The following PKD2L1 variants were observed in gnomAD, a reference collection of about 807,000 sequenced individuals.
The protein encoded by PKD2L1 is polycystin 2 like 1, transient receptor potential cation channel, also known as polycystin-2-like protein 1.
Under a neutral mutation model 93.0 loss-of-function variants are expected in PKD2L1, and 77 were observed. The observed-to-expected ratio is 0.83, with a 90% confidence interval of 0.69 to 1.00. PKD2L1 has a LOEUF of 1.00. PKD2L1 is among the 50% of genes least tolerant of loss of function. The pLI, the probability that PKD2L1 is intolerant of heterozygous loss-of-function variation, is 0.00. For missense variants in PKD2L1, 977 were observed against 990.9 expected (o/e 0.99, Z 0.19); for synonymous variants, 390 against 388.0 (o/e 1.01, Z -0.06).
At chr10:100,327,740 A>T (rs1849409348) in intron 2 of PKD2L1, among the ~76,000 whole-genome samples, 1 of 152,236 alleles carries the variant, frequency 6.6e-6, no homozygotes, top group African/African-American at 2.4e-5. Context: ...AGGAATTGAA[A>T]GGGCCCCACA....
intron 12 of PKD2L1, 122 bp downstream of exon 12, chr10:100,291,179 C>T (rs1277630494): frequency 9.7e-7 from 1 of 1,029,528 alleles, no homozygotes; most frequent in East Asian, 2.4e-5. Context: ...AACTACTATT[C>T]TAGAGAGTTC....
At chr10:100,329,411 C>T in intron 1 of PKD2L1, 87 bp from the exon 2 acceptor site, 2 of 1,570,784 alleles carry the variant, frequency 1.3e-6, no homozygotes, top group Non-Finnish European at 1.7e-6. Context: ...GACTTTAGCC[C>T]CTTTCCACCC....
rs558513364 is a variant in PKD2L1 at position 100,288,378 on chromosome 10, T to G, written c.*18A>C. 1 of 1,552,288 alleles carries G rather than the reference T, an allele frequency of 6.4e-7. No individual in the cohort carries two copies. The highest frequency in any genetic ancestry group is 1.1e-5 in the South Asian group (1 of 89,878). ...GCAGAAGATCCTTCATAGACTTTGC[T>G]CCGGGAGTGCCTCACACTTAACTCC... On this transcript the variant is annotated 3_prime_UTR_variant, in exon 16 of 16. Coordinates refer to ENST00000318222, the MANE Select transcript of PKD2L1 (RefSeq NM_016112.3).
At chr10:100,306,999 C>T (rs1030676182) in intron 2 of PKD2L1, among the ~76,000 whole-genome samples, 1 of 151,984 alleles carries the variant, frequency 6.6e-6, no homozygotes, top group Non-Finnish European at 1.5e-5. Context: ...CGTAGTTTGA[C>T]TCTACAGTCA....
Position 100,292,965 on chromosome 10 carries a change from GA to G in PKD2L1, c.1862del (p.Phe621SerfsTer5), listed in dbSNP as rs771939663. On this transcript the variant is annotated frameshift_variant, in exon 11 of 16. Transcript: ENST00000318222. LOFTEE classifies it high-confidence loss of function. The part of the protein sequence containing the change: ...GGEQEIQFED[F>X]TNTLRELGHA... ...TTGCTCACTCCCTTAAGGTGTTGGT[GA>G]AATCCTCAAACTGGATCTCCTGCTC... 1.9e-6 allele frequency: 3 copies of G among 1,614,058 alleles called. No individual in the cohort carries two copies. The highest frequency in any genetic ancestry group is 2.5e-6 in the Non-Finnish European group (3 of 1,179,966).
intron 2 of PKD2L1, among the ~76,000 whole-genome samples, chr10:100,313,493 T>C (rs1022579457): frequency 6.6e-6 from 1 of 152,188 alleles, no homozygotes; most frequent in African/African-American, 2.4e-5. Flanking sequence ...GAGTTGGTAA[T>C]TAGTGATTTT....
chr10:100,323,521 G>A (rs923178966), intron 2 of PKD2L1, among the ~76,000 whole-genome samples: 3 of 152,046 alleles, frequency 2.0e-5, no homozygotes, highest in African/African-American at 4.8e-5. Context: ...CACCCGCCTC[G>A]GTCTGCCGAA....
At chr10:100,294,197 TC>T (rs1286925353) in intron 9 of PKD2L1, among the ~76,000 whole-genome samples, 1 of 151,994 alleles carries the variant, frequency 6.6e-6, no homozygotes, top group Non-Finnish European at 1.5e-5. Context: ...CAGCATGAGA[TC>T]CCCAGAGGAA....
rs545318512 is a variant in PKD2L1 at position 100,303,815 on chromosome 10, C to T, written c.350-4097G>A. Among the ~76,000 whole-genome samples, 59 of 152,276 alleles carry T rather than the reference C, an allele frequency of 3.9e-4. No homozygotes were observed. In the East Asian group the frequency reaches 0.01, roughly 27 times the overall value. On this transcript the variant is annotated intron_variant, in intron 2 of 15. Coordinates refer to ENST00000318222, the MANE Select transcript of PKD2L1 (RefSeq NM_016112.3). Reference sequence around the variant, plus strand: ...CCGCTGGAAATCAAACTTCTGTGTGCGGAAAGCCCATCACAGTTACAACTG... The same window carrying T: ...CCGCTGGAAATCAAACTTCTGTGTGTGGAAAGCCCATCACAGTTACAACTG...
intron 2 of PKD2L1, among the ~76,000 whole-genome samples, chr10:100,320,572 C>G (rs554791799): frequency 3.5e-4 from 53 of 152,168 alleles, no homozygotes; most frequent in Non-Finnish European, 6.0e-4. Context: ...GGTCCAAGTT[C>G]CCCACTTTCC....
At chr10:100,294,887 C>G in intron 8 of PKD2L1, 55 bp downstream of exon 8, 1 of 1,503,682 alleles carries the variant, frequency 6.7e-7, no homozygotes, top group Non-Finnish European at 9.1e-7. Context: ...ATACATACAC[C>G]CGTGGAGCTG....
rs753246354 is a variant in PKD2L1 at position 100,295,149 on chromosome 10, G to A, written c.1357-26C>T. On this transcript the variant is annotated intron_variant, in intron 7 of 15. Transcript: ENST00000318222. ...CTGGAAGGACCATGTTGAACCAAGG[G>A]ATGAAGAAGGAAAAGGGAAAAGCAT... is the stretch of plus-strand genomic sequence containing the variant. 2.7e-5 allele frequency: 43 copies of A among 1,595,656 alleles called. 1 individual carries two copies. The highest frequency in any genetic ancestry group is 2.7e-4 in the South Asian group (24 of 90,230).
intron 2 of PKD2L1, among the ~76,000 whole-genome samples, chr10:100,306,855 C>CAAAAAAAAAAAAAAAAAAAAA (rs61413476): frequency 4.4e-4 from 22 of 49,816 alleles, no homozygotes; most frequent in African/African-American, 1.3e-3. Flanking sequence ...GAGACCCTGT[C>CAAAAAAAAAAAAAAAAAAAAA]AAAAAAAAAA....
At chr10:100,296,056 AAG>A in intron 7 of PKD2L1, 64 bp downstream of exon 7, 1 of 1,432,238 alleles carries the variant, frequency 7.0e-7, no homozygotes, top group Non-Finnish European at 9.5e-7. Flanking sequence ...AAAGAAAAAA[AAG>A]AAAAGAAAAG....
At position 100,303,197 on chromosome 10, in the gene PKD2L1, TTG is replaced by T. The variant is rs1324213057; in HGVS notation, c.350-3481_350-3480del. Reference sequence around the variant, plus strand: ...TCCATAATTACATCAAACTGTTTTTTTGTTTTTTTTTTTGAGACGGAGTTTCA... The same window carrying T: ...TCCATAATTACATCAAACTGTTTTTTTTTTTTTTTTTGAGACGGAGTTTCA... On this transcript the variant is annotated intron_variant, in intron 2 of 15. Transcript: ENST00000318222. Among the ~76,000 whole-genome samples the T allele has an allele frequency of 3.4e-5, 5 of 148,630 alleles. 1 individual carries two copies. The highest frequency in any genetic ancestry group is 5.0e-5 in the African/African-American group (2 of 40,096).
At position 100,298,871 on chromosome 10, in the gene PKD2L1, A is replaced by G. The variant is rs945212604; in HGVS notation, c.478-56T>C. On this transcript the variant is annotated intron_variant, in intron 3 of 15. Transcript: ENST00000318222. ...AGCCTCCTCCTGACCCCCTACCTTT[A>G]GAATGACCTTTGCCCTCATCCTCTG... 2.6e-6 allele frequency: 4 copies of G among 1,559,196 alleles called. No homozygotes were observed. In the Admixed American group the frequency reaches 7.3e-5, roughly 29 times the overall value.
rs61413476 is a variant in PKD2L1, at chr10:100,306,855, C to CAAAAAAAAAAAAAA, written c.350-7151_350-7138dup. Among the ~76,000 whole-genome samples the CAAAAAAAAAAAAAA allele has an allele frequency of 2.1e-3, 103 of 49,822 alleles. 6 individuals are homozygous for CAAAAAAAAAAAAAA. Among genetic ancestry groups the CAAAAAAAAAAAAAA allele is most frequent in the East Asian group, 4.6e-3 (7 of 1,532 alleles). The allele number at this position is 49,822 out of a possible 152,430, so 32.7% of individuals were successfully genotyped here. A position where few individuals can be genotyped will look rare whatever the true frequency, so the allele number is the denominator to read the frequency against. On this transcript the variant is annotated intron_variant, in intron 2 of 15. Transcript: ENST00000318222. ...CCTGGGCGAGAGAGTGAGACCCTGT[C>CAAAAAAAAAAAAAA]AAAAAAAAAAAAAAAAAAGAAAGAG... is the stretch of plus-strand genomic sequence containing the variant.
At chr10:100,315,711 T>C (rs1370751477) in intron 2 of PKD2L1, among the ~76,000 whole-genome samples, 2 of 152,160 alleles carry the variant, frequency 1.3e-5, no homozygotes, top group Non-Finnish European at 2.9e-5. Flanking sequence ...TGAGAAGAAA[T>C]GCTGGTTTAC....
At chr10:100,314,986 GGAA>G (rs1849046518) in intron 2 of PKD2L1, among the ~76,000 whole-genome samples, 2 of 14,522 alleles carry the variant, frequency 1.4e-4, no homozygotes, top group African/African-American at 3.5e-4. Flanking sequence ...AAGGAAGGAA[GGAA>G]GGAAGGAAGG....
Sources: gnomAD v4.1 joint callset for allele counts (sites outside exome capture counted in the v4.1 genomes callset) on GRCh38, gnomAD v4.1.1 for gene constraint, MANE v1.5 for transcripts, NCBI Gene and HGNC (gene_info 2026-07-23, HGNC 2026-07-21) for gene names.